The following SEPTIN11 variants were observed in gnomAD, a reference collection of about 807,000 sequenced individuals.
The protein encoded by SEPTIN11 is septin 11.
A neutral mutation model predicts 51.4 loss-of-function variants in SEPTIN11; 25 were observed. That is an observed-to-expected ratio of 0.49 (90% CI 0.35 to 0.68). SEPTIN11 has a LOEUF of 0.68. Among genes scored for constraint, SEPTIN11 ranks in the 30% least tolerant of loss-of-function variants. The pLI, the probability that SEPTIN11 is intolerant of heterozygous loss-of-function variation, is 0.00. For missense variants in SEPTIN11, 381 were observed against 520.8 expected, an observed-to-expected ratio of 0.73 and a Z score of 2.61; for synonymous variants, 174 against 184.1, an observed-to-expected ratio of 0.95 and a Z score of 0.44.
At position 77,034,565 on chromosome 4, in the gene SEPTIN11, G is replaced by A. The variant is rs967400266; in HGVS notation, c.*53G>A. 2.5e-5 allele frequency: 37 copies of A among 1,505,082 alleles called. No individual in the cohort carries two copies. The highest frequency in any genetic ancestry group is 2.3e-4 in the African/African-American group (16 of 69,432). The allele number at this position is 1,505,082 out of a possible 1,614,324, so 93.2% of individuals were successfully genotyped here. ...ATTCACCTGCTTTTGCAGTAATATC[G>A]TATCTCTGCCATGTGTGTTCTTTAG... On this transcript the variant is annotated 3_prime_UTR_variant, in exon 10 of 10. Coordinates refer to ENST00000264893, the MANE Select transcript of SEPTIN11 (RefSeq NM_018243.4).
chr4:77,019,078 GCA>G (rs1327075497), intron 5 of SEPTIN11, 85 bp from the exon 6 acceptor site: 1 of 1,279,804 alleles, frequency 7.8e-7, no homozygotes, highest in Non-Finnish European at 1.1e-6. Context: ...GTAGAGGCCT[GCA>G]GAAGGAGGGA....
intron 1 of SEPTIN11, among the ~76,000 whole-genome samples, chr4:76,973,245 C>T (rs984048692): frequency 1.3e-5 from 2 of 152,158 alleles, no homozygotes; most frequent in South Asian, 2.1e-4. Context: ...TGCTTTTCTA[C>T]ATTCGCTTTG....
intron 2 of SEPTIN11, among the ~76,000 whole-genome samples, chr4:77,004,062 A>G (rs570599335): frequency 1.3e-5 from 2 of 152,288 alleles, no homozygotes; most frequent in Admixed American, 1.3e-4. Flanking sequence ...CACCACCACC[A>G]CGAACATAAG....
intron 3 of SEPTIN11, among the ~76,000 whole-genome samples, chr4:77,011,453 A>G (rs760882839): frequency 6.7e-6 from 1 of 149,218 alleles, no homozygotes; most frequent in Non-Finnish European, 1.5e-5. Flanking sequence ...AAGAGTAGGA[A>G]AAAGACAGGT....
At chr4:77,038,619 G>A, downstream of SEPTIN11, 1 of 995,164 alleles carries the variant, frequency 1.0e-6, no homozygotes, top group Non-Finnish European at 1.2e-6. Context: ...AACATTATTT[G>A]TGTGCCCTTT....
chr4:77,019,075 C>A, intron 5 of SEPTIN11, 90 bp from the exon 6 acceptor site: 1 of 1,208,960 alleles, frequency 8.3e-7, no homozygotes, highest in Non-Finnish European at 1.2e-6. Flanking sequence ...CAAGTAGAGG[C>A]CTGCAGAAGG....
At chr4:77,000,909 A>C (rs1023116466) in intron 2 of SEPTIN11, among the ~76,000 whole-genome samples, 1 of 152,178 alleles carries the variant, frequency 6.6e-6, no homozygotes, top group Admixed American at 6.5e-5. Flanking sequence ...TAAAATCTAG[A>C]ATAATTAGGG....
intron 1 of SEPTIN11, among the ~76,000 whole-genome samples, chr4:76,965,717 G>A (rs889455326): frequency 6.6e-6 from 1 of 152,080 alleles, no homozygotes; most frequent in South Asian, 2.1e-4. Context: ...ACAACATAAA[G>A]CAAGAATTGT....
Position 77,036,727 on chromosome 4 carries a change from T to A in SEPTIN11, c.*2215T>A, listed in dbSNP as rs1400718595. 6.5e-7 allele frequency: 1 copy of A among 1,535,600 alleles called. No individual in the cohort carries two copies. The highest frequency in any genetic ancestry group is 2.0e-5 in the Admixed American group (1 of 50,962). On this transcript the variant is annotated 3_prime_UTR_variant, in exon 10 of 10. Coordinates refer to ENST00000264893, the MANE Select transcript of SEPTIN11 (RefSeq NM_018243.4). Reference sequence around the variant, plus strand: ...CTAGCCCTGTTTAGTTTGTTATTGCTGCTTTTCTTTTTTCTTTCTGTATCT... The same window carrying A: ...CTAGCCCTGTTTAGTTTGTTATTGCAGCTTTTCTTTTTTCTTTCTGTATCT...
intron 1 of SEPTIN11, among the ~76,000 whole-genome samples, chr4:76,994,422 C>A (rs1352034016): frequency 6.6e-6 from 1 of 152,228 alleles, no homozygotes; most frequent in Non-Finnish European, 1.5e-5. Flanking sequence ...AAGGCTTGCC[C>A]AGCTACAAGG....
chr4:76,998,456 C>A (rs932030474), intron 2 of SEPTIN11, among the ~76,000 whole-genome samples: 5 of 152,156 alleles, frequency 3.3e-5, no homozygotes, highest in Non-Finnish European at 7.3e-5. Flanking sequence ...CGCGCCTTTT[C>A]CAGCTTCTGG....
At position 76,993,563 on chromosome 4, in the gene SEPTIN11, A is replaced by T. The variant is rs1055305716; in HGVS notation, c.28-2862A>T. Among the ~76,000 whole-genome samples the T allele has an allele frequency of 2.6e-5, 4 of 152,142 alleles. No homozygotes were observed. The East Asian group carries it at 7.7e-4, about 29-fold the overall frequency. On this transcript the variant is annotated intron_variant, in intron 1 of 9. Coordinates refer to ENST00000264893, the MANE Select transcript of SEPTIN11 (RefSeq NM_018243.4). ...TGGAGGCACTGGGTAAGGTGCTCAG[A>T]GCTGCCCTGTGCATGTCCTCCAGTG...
chr4:76,999,730 C>T (rs1300062191), intron 2 of SEPTIN11, among the ~76,000 whole-genome samples: 2 of 152,186 alleles, frequency 1.3e-5, no homozygotes, highest in Non-Finnish European at 2.9e-5. Flanking sequence ...ATGTATGCTG[C>T]TAGAACCCAT....
At chr4:76,978,231 C>G (rs1271548115) in intron 1 of SEPTIN11, among the ~76,000 whole-genome samples, 1 of 152,074 alleles carries the variant, frequency 6.6e-6, no homozygotes, top group African/African-American at 2.4e-5. Context: ...TGGTGGAGGT[C>G]TCTTCTTGGA....
intron 1 of SEPTIN11, among the ~76,000 whole-genome samples, chr4:76,951,795 G>A (rs1721360146): frequency 6.6e-6 from 1 of 152,166 alleles, no homozygotes; most frequent in South Asian, 2.1e-4. Flanking sequence ...TTAAGGTTTA[G>A]TTGTGTGGCC....
intron 1 of SEPTIN11, among the ~76,000 whole-genome samples, chr4:76,959,662 C>CTATG (rs1276986138): frequency 6.6e-6 from 1 of 151,862 alleles, no homozygotes; most frequent in East Asian, 1.9e-4. Context: ...GATACATGAA[C>CTATG]TATGAACTTA....
At chr4:77,025,966 TC>T (rs1726106010) in intron 7 of SEPTIN11, among the ~76,000 whole-genome samples, 1 of 152,220 alleles carries the variant, frequency 6.6e-6, no homozygotes, top group Non-Finnish European at 1.5e-5. Context: ...TTAGGCTTTC[TC>T]TGGGACTAGG....
chr4:76,951,031 C>T (rs1721316389), intron 1 of SEPTIN11, among the ~76,000 whole-genome samples: 1 of 152,186 alleles, frequency 6.6e-6, no homozygotes, highest in Admixed American at 6.5e-5. Context: ...CACAGCTGTG[C>T]AGCTGCAGGT....
intron 7 of SEPTIN11, among the ~76,000 whole-genome samples, chr4:77,028,223 C>T (rs1392561323): frequency 3.3e-5 from 5 of 152,092 alleles, no homozygotes; most frequent in Non-Finnish European, 4.4e-5. Context: ...TAAGAACAGC[C>T]GGTTACTTAG....
Sources: gnomAD v4.1 joint callset for allele counts (sites outside exome capture counted in the v4.1 genomes callset) on GRCh38, gnomAD v4.1.1 for gene constraint, MANE v1.5 for transcripts, NCBI Gene and HGNC (gene_info 2026-07-23, HGNC 2026-07-21) for gene names.